USP33: variants seen among roughly 807,000 people sequenced by gnomAD.
USP33 encodes ubiquitin carboxyl-terminal hydrolase 33.
In USP33, 46 loss-of-function variants were observed where a neutral mutation model predicts 124.2. The observed-to-expected ratio is 0.37, with a 90% CI of 0.29 to 0.47. The LOEUF (loss-of-function observed/expected upper bound fraction) is 0.47, where lower values mean the gene tolerates loss of function less well. Ranked by LOEUF, USP33 falls within the 20% of genes least tolerant of loss-of-function variation. USP33 has a pLI of 0.99. For synonymous variants in USP33, 350 were observed against 352.3 expected (o/e 0.99, Z 0.07); for missense variants, 851 against 1,070.6 (o/e 0.79, Z 2.86).
intron 1 of USP33, among the ~76,000 whole-genome samples, chr1:77,756,312 C>T (rs1041578679): frequency 6.6e-6 from 1 of 152,042 alleles, no homozygotes; most frequent in Non-Finnish European, 1.5e-5. Context: ...TCTCACATTT[C>T]TTCTAGGTCT....
chr1:77,753,512 A>C (rs1680535861), intron 1 of USP33, among the ~76,000 whole-genome samples: 1 of 152,212 alleles, frequency 6.6e-6, no homozygotes, highest in South Asian at 2.1e-4. Context: ...TTCGCATAAA[A>C]TAAGTAGATT....
At chr1:77,708,914 G>A (rs368755871) in intron 21 of USP33, among the ~76,000 whole-genome samples, 6 of 151,760 alleles carry the variant, frequency 4.0e-5, no homozygotes, top group African/African-American at 1.2e-4. Context: ...TTAAACTCCT[G>A]GGCTCAAGTG....
At chr1:77,730,141 C>T (rs187692271) in intron 8 of USP33, among the ~76,000 whole-genome samples, 2 of 152,174 alleles carry the variant, frequency 1.3e-5, no homozygotes, top group African/African-American at 2.4e-5. Flanking sequence ...CTGCTATCCT[C>T]CCTCAATTAA....
chr1:77,715,229 T>C (rs1675734593), intron 18 of USP33, among the ~76,000 whole-genome samples: 1 of 152,146 alleles, frequency 6.6e-6, no homozygotes, highest in Non-Finnish European at 1.5e-5. Context: ...TTTTTTCAGA[T>C]GGCGTCTCAC....
chr1:77,726,716 A>AT (rs1677203162), intron 10 of USP33, among the ~76,000 whole-genome samples: 1 of 152,130 alleles, frequency 6.6e-6, no homozygotes, highest in African/African-American at 2.4e-5. Context: ...AGAAAAATCG[A>AT]TTATTCTCCC....
chr1:77,754,505 A>C (rs1680627502), intron 1 of USP33, among the ~76,000 whole-genome samples: 1 of 152,232 alleles, frequency 6.6e-6, no homozygotes, highest in Admixed American at 6.5e-5. Flanking sequence ...TTCACAAAAG[A>C]AATCAGCTGA....
intron 15 of USP33, among the ~76,000 whole-genome samples, chr1:77,720,118 C>G (rs1242465823): frequency 1.7e-5 from 2 of 115,492 alleles, no homozygotes; most frequent in Non-Finnish European, 3.2e-5. Context: ...TGTAATCATG[C>G]TACTGAATCT....
chr1:77,715,614 T>C (rs1159779383), intron 18 of USP33, 128 bp downstream of exon 18: 1 of 1,089,820 alleles, frequency 9.2e-7, no homozygotes, highest in Non-Finnish European at 1.3e-6. Context: ...CACTGTATTT[T>C]ACTGTAATGA....
intron 12 of USP33, among the ~76,000 whole-genome samples, chr1:77,722,578 T>C (rs1017866747): frequency 3.3e-5 from 5 of 152,126 alleles, no homozygotes; most frequent in African/African-American, 1.2e-4. Context: ...AATATTTTTT[T>C]AAAAGGGTGA....
In USP33 at chr1:77,743,665, G is replaced by A. The variant is rs762266782; in HGVS notation, c.-51-1917C>T. On this transcript the variant is annotated intron_variant, in intron 1 of 23. Transcript: ENST00000370794. Reference sequence around the variant, plus strand: ...ACCCCAAGCCAGAGAAAAAAACCACGGGAAAGGATTAGGTAAAACAATTCT... The same window carrying A: ...ACCCCAAGCCAGAGAAAAAAACCACAGGAAAGGATTAGGTAAAACAATTCT... 1.4e-4 allele frequency among the ~76,000 whole-genome samples: 22 copies of A among 152,202 alleles called. No individual in the cohort carries two copies. The East Asian group carries it at 1.9e-3, about 13-fold the overall frequency.
rs534764365 is a variant in USP33, at chr1:77,729,843, A to T, written c.717+17T>A. The T allele has an allele frequency of 6.2e-7, 1 of 1,603,988 alleles. No individual in the cohort carries two copies. The highest frequency in any genetic ancestry group is 1.7e-5 in the Admixed American group (1 of 57,542). ...TTTATTTAGATTAAAATTACAAATG[A>T]AAAGCAATAAACTAACCTGCTGAGA... On this transcript the variant is annotated intron_variant, in intron 9 of 23. Coordinates refer to ENST00000370794, the MANE Select transcript of USP33 (RefSeq NM_201624.3).
chr1:77,726,245 CA>C (rs1677148513), intron 10 of USP33, among the ~76,000 whole-genome samples: 1 of 152,020 alleles, frequency 6.6e-6, no homozygotes, highest in Non-Finnish European at 1.5e-5. Context: ...CCACCGTGCC[CA>C]ATCCCAACTA....
intron 1 of USP33, among the ~76,000 whole-genome samples, chr1:77,750,322 AAAAG>A (rs138811755): frequency 0.012 from 1,765 of 150,934 alleles, 30 homozygotes; most frequent in African/African-American, 0.042. Flanking sequence ...CATCTCCAAA[AAAAG>A]AAAGAAAGAA....
intron 5 of USP33, among the ~76,000 whole-genome samples, chr1:77,738,057 T>C (rs12027491): frequency 1.3e-5 from 2 of 152,304 alleles, no homozygotes; most frequent in East Asian, 1.9e-4. Context: ...TAGGTATAAG[T>C]GGGAGAAACA....
Position 77,748,775 on chromosome 1 carries a change from T to TCC in USP33, c.-51-7029_-51-7028dup, listed in dbSNP as rs1437829020. Among the ~76,000 whole-genome samples, 206 of 36,246 alleles carry TCC rather than the reference T, an allele frequency of 5.7e-3. 1 individual carries two copies. Among genetic ancestry groups the TCC allele is most frequent in the Non-Finnish European group, 7.0e-3 (151 of 21,548 alleles). 23.8% of individuals were successfully genotyped at this position (36,246 alleles called of 152,430 possible). ...ACTGTTCTTTTTTGGCAGCATTCCTTCCCTCCCCCCCCCCCCCGTGCTTGA... is the reference window on the plus strand; with the variant it reads ...ACTGTTCTTTTTTGGCAGCATTCCTTCCCCCTCCCCCCCCCCCCCGTGCTTGA... On this transcript the variant is annotated intron_variant, in intron 1 of 23. Coordinates refer to ENST00000370794, the MANE Select transcript of USP33 (RefSeq NM_201624.3).
chr1:77,749,830 T>G (rs1467955101), intron 1 of USP33, among the ~76,000 whole-genome samples: 3 of 152,224 alleles, frequency 2.0e-5, no homozygotes, highest in Non-Finnish European at 2.9e-5. Flanking sequence ...GCAATACTAT[T>G]TTGCCTCAGA....
At chr1:77,744,602 G>A (rs982038646) in intron 1 of USP33, among the ~76,000 whole-genome samples, 9 of 152,288 alleles carry the variant, frequency 5.9e-5, no homozygotes, top group East Asian at 3.9e-4. Flanking sequence ...CCAGCACTTC[G>A]GGAGGCCAAG....
intron 5 of USP33, among the ~76,000 whole-genome samples, chr1:77,738,443 T>C (rs953649192): frequency 6.6e-6 from 1 of 152,180 alleles, no homozygotes; most frequent in African/African-American, 2.4e-5. Flanking sequence ...CAAACCCATG[T>C]GTTTTCTAAG....
At chr1:77,736,823 T>C (rs1390866947) in intron 5 of USP33, among the ~76,000 whole-genome samples, 4 of 152,170 alleles carry the variant, frequency 2.6e-5, no homozygotes, top group African/African-American at 9.7e-5. Flanking sequence ...TTGGCCTGAA[T>C]GGTCTTGATC....
Sources: gnomAD v4.1 joint callset for allele counts (sites outside exome capture counted in the v4.1 genomes callset) on GRCh38, gnomAD v4.1.1 for gene constraint, MANE v1.5 for transcripts, NCBI Gene and HGNC (gene_info 2026-07-23, HGNC 2026-07-21) for gene names.